SCLY: variants seen among roughly 807,000 people sequenced by gnomAD.
The protein encoded by SCLY is selenocysteine lyase.
SCLY carries 38 observed loss-of-function variants against 50.1 expected under a neutral mutation model. The ratio of observed to expected loss-of-function variants is 0.76; its 90% confidence interval spans 0.59 to 0.99. The LOEUF is 0.99. Ranked by LOEUF, SCLY falls within the 50% of genes least tolerant of loss-of-function variation. The pLI is 0.00. For missense variants in SCLY, 600 were observed against 620.0 expected, an observed-to-expected ratio of 0.97 and a Z score of 0.34; for synonymous variants, 243 against 249.4, an observed-to-expected ratio of 0.97 and a Z score of 0.24.
intron 10 of SCLY, among the ~76,000 whole-genome samples, chr2:238,096,428 A>G (rs976312858): frequency 6.6e-6 from 1 of 152,262 alleles, no homozygotes; most frequent in African/African-American, 2.4e-5. Flanking sequence ...TTCTGGCTTA[A>G]TAGAACTCCC....
At chr2:238,076,735 AAAAG>A (rs1472548739) in intron 4 of SCLY, among the ~76,000 whole-genome samples, 6 of 70,548 alleles carry the variant, frequency 8.5e-5, no homozygotes, top group Non-Finnish European at 1.2e-4. Context: ...AAAAAAAAAA[AAAAG>A]AGTGTATTGT....
intron 4 of SCLY, among the ~76,000 whole-genome samples, chr2:238,071,256 A>G (rs1198130752): frequency 1.3e-5 from 2 of 152,262 alleles, no homozygotes; most frequent in African/African-American, 4.8e-5. Context: ...GTACAATTTA[A>G]AAAATGTATA....
Position 238,081,725 on chromosome 2 carries a change from G to C in SCLY, c.501G>C (p.Pro167=), listed in dbSNP as rs370503112. 80 of 1,613,990 alleles carry C rather than the reference G, an allele frequency of 5.0e-5. No homozygotes were observed. The African/African-American group carries it at 9.7e-4, about 20-fold the overall frequency. The change falls in exon 5 of 12, where the codon CCG becomes CCC. Residue 167 remains proline, a synonymous_variant. Coordinates refer to ENST00000254663, the MANE Select transcript of SCLY (RefSeq NM_016510.7). ...GTTTCCCAGCGGTCACCTTTGTCCC[G>C]GTGTCCAAGGTGAGCGGGCAGGCAG... The part of the protein sequence containing the change: ...EEQVAAVTFV[P]VSKVSGQAEV...
At chr2:238,076,310 TC>T (rs1034012083) in intron 4 of SCLY, among the ~76,000 whole-genome samples, 1 of 152,138 alleles carries the variant, frequency 6.6e-6, no homozygotes, top group Non-Finnish European at 1.5e-5. Flanking sequence ...TGGGCTTGTC[TC>T]GAACTCCTGA....
Position 238,063,743 on chromosome 2 carries a change from C to T in SCLY, c.90-614C>T, listed in dbSNP as rs566638419. ...CAAAAATGAGTGTGGGGAAATAAGG[C>T]GAACCTCTGATGAAGTTAAAACAGC... On this transcript the variant is annotated intron_variant, in intron 1 of 11. Transcript: ENST00000254663. 3.9e-5 allele frequency among the ~76,000 whole-genome samples: 6 copies of T among 152,310 alleles called. No individual in the cohort carries two copies. In the South Asian group the frequency reaches 8.3e-4, roughly 21 times the overall value.
intron 7 of SCLY, among the ~76,000 whole-genome samples, chr2:238,088,828 C>T (rs1242685339): frequency 1.3e-5 from 2 of 152,160 alleles, no homozygotes; most frequent in Non-Finnish European, 1.5e-5. Context: ...GTGGTGAAAG[C>T]CTGAATGTTT....
chr2:238,099,202 T>G lies in SCLY; in HGVS notation c.*847T>G, dbSNP rs947314672. The stretch of plus-strand genomic sequence containing the variant: ...GGGTGGGAATCGGATCATCCCTGAC[T>G]CAGCTTTTACCTTAATTTTATTTGC... On this transcript the variant is annotated 3_prime_UTR_variant, in exon 12 of 12. Transcript: ENST00000254663. 6.4e-6 allele frequency: 3 copies of G among 470,178 alleles called. No homozygotes were observed. Among genetic ancestry groups the G allele is most frequent in the Admixed American group, 4.7e-5 (2 of 42,414 alleles). 29.1% of individuals were successfully genotyped at this position (470,178 alleles called of 1,614,324 possible). A position where few individuals can be genotyped will look rare whatever the true frequency, so the allele number is the denominator to read the frequency against.
At chr2:238,075,534 TTAC>T (rs1378466116) in intron 4 of SCLY, among the ~76,000 whole-genome samples, 2 of 152,220 alleles carry the variant, frequency 1.3e-5, no homozygotes, top group African/African-American at 4.8e-5. Context: ...AATTTTTAAG[TTAC>T]TGATTCAGTC....
intron 6 of SCLY, 106 bp downstream of exon 6, chr2:238,082,315 G>T (rs1474802198): frequency 8.4e-7 from 1 of 1,191,960 alleles, no homozygotes. Flanking sequence ...CCAGGCCTTG[G>T]GGGCACTGCG....
In SCLY at chr2:238,069,474, G is replaced by T; in HGVS notation, c.481G>T (p.Ala161Ser). 2 of 1,611,148 alleles carry T rather than the reference G, an allele frequency of 1.2e-6. No homozygotes were observed. The highest frequency in any genetic ancestry group is 1.7e-6 in the Non-Finnish European group (2 of 1,178,504). ...PLEHLVEEQVAAVTFVPVSKV... is the reference protein window; with the variant it reads ...PLEHLVEEQVSAVTFVPVSKV... ...GGAGCACCTGGTGGAAGAACAAGTG[G>T]CAGGTGAGTGAGTGCAGGGTGGCCC... is the stretch of plus-strand genomic sequence containing the variant. Residue 161 changes from alanine to serine, a missense_variant, in exon 4 of 12, where the codon GCA becomes TCA. Coordinates refer to ENST00000254663, the MANE Select transcript of SCLY (RefSeq NM_016510.7). The surrounding 1 kb of genome is among the most constrained non-coding windows in gnomAD (Gnocchi z 5.0).
At position 238,083,120 on chromosome 2, in the gene SCLY, G is replaced by A. The variant is rs549487676; in HGVS notation, c.778-128G>A. The A allele has an allele frequency of 2.8e-5, 22 of 774,918 alleles. No individual in the cohort carries two copies. Among genetic ancestry groups the A allele is most frequent in the East Asian group, 5.2e-5 (2 of 38,732 alleles). 48.0% of individuals were successfully genotyped at this position (774,918 alleles called of 1,614,324 possible). A position where few individuals can be genotyped will look rare whatever the true frequency, so the allele number is the denominator to read the frequency against. ...GTCAAAAGGGGTGGCACTCAGAGGC[G>A]CCACAAGGAAGCAGCAGGACTATGC... On this transcript the variant is annotated intron_variant, in intron 6 of 11. Transcript: ENST00000254663. The surrounding 1 kb of genome is among the most constrained non-coding windows in gnomAD (Gnocchi z 4.3).
intron 4 of SCLY, chr2:238,079,941 A>C (rs1211444994): frequency 6.6e-6 from 1 of 152,168 alleles, no homozygotes; most frequent in African/African-American, 2.4e-5. Flanking sequence ...ATGGTGTCCC[A>C]CATTTCTCTG....
At chr2:238,089,318 G>A (rs1401000629) in intron 7 of SCLY, among the ~76,000 whole-genome samples, 1 of 152,104 alleles carries the variant, frequency 6.6e-6, no homozygotes, top group African/African-American at 2.4e-5. Context: ...GTCAAAGGTG[G>A]ATATACAAGC....
At chr2:238,078,250 G>A (rs771578752) in intron 4 of SCLY, among the ~76,000 whole-genome samples, 3 of 151,942 alleles carry the variant, frequency 2.0e-5, no homozygotes, top group South Asian at 2.1e-4. Context: ...CACTGCACCC[G>A]GCCAGTTCTT....
At chr2:238,081,418 T>G (rs1383664395) in intron 4 of SCLY, 1 of 338,544 alleles carries the variant, frequency 3.0e-6, no homozygotes, top group Non-Finnish European at 5.6e-6. Flanking sequence ...AGCAAGAGCC[T>G]GCATCCCTGT....
At chr2:238,061,956 G>C (rs1400732269) in intron 1 of SCLY, among the ~76,000 whole-genome samples, 1 of 152,138 alleles carries the variant, frequency 6.6e-6, no homozygotes, top group Non-Finnish European at 1.5e-5. Context: ...GAATATGAGG[G>C]GGTCCAGGCC....
At position 238,067,232 on chromosome 2, in the gene SCLY, A is replaced by G. The variant is rs2065079291; in HGVS notation, c.203-833A>G. On this transcript the variant is annotated intron_variant, in intron 2 of 11. Coordinates refer to ENST00000254663, the MANE Select transcript of SCLY (RefSeq NM_016510.7). The surrounding 1 kb of genome is among the most constrained non-coding windows in gnomAD (Gnocchi z 4.3). Reference sequence around the variant, plus strand: ...GTTTAGGAAACTACTACTAAAACTGACATCTATACAGTAGCGTTAAGGAGC... The same window carrying G: ...GTTTAGGAAACTACTACTAAAACTGGCATCTATACAGTAGCGTTAAGGAGC... Among the ~76,000 whole-genome samples, 1 of 152,212 alleles carries G rather than the reference A, an allele frequency of 6.6e-6. No individual in the cohort carries two copies. The highest frequency in any genetic ancestry group is 2.4e-5 in the African/African-American group (1 of 41,456).
At chr2:238,096,660 C>A in intron 10 of SCLY, 141 bp from the exon 11 acceptor site, 1 of 877,416 alleles carries the variant, frequency 1.1e-6, no homozygotes. Flanking sequence ...CTCTCCCCAG[C>A]TGCCAGAATG....
intron 10 of SCLY, 41 bp from the exon 11 acceptor site, chr2:238,096,760 G>A (rs2106457699): frequency 1.3e-6 from 2 of 1,579,998 alleles, no homozygotes. Context: ...GGGCAACCTG[G>A]CTGGAGCCCC....
Sources: gnomAD v4.1 joint callset for allele counts (sites outside exome capture counted in the v4.1 genomes callset) on GRCh38, gnomAD v4.1.1 for gene constraint, Gnocchi (gnomAD v3.1) non-coding constraint, MANE v1.5 for transcripts, NCBI Gene and HGNC (gene_info 2026-07-23, HGNC 2026-07-21) for gene names.